The following HIVEP2 variants were observed in gnomAD, a reference collection of about 807,000 sequenced individuals.
HIVEP2 encodes transcription factor HIVEP2.
A neutral mutation model predicts 180.7 loss-of-function variants in HIVEP2; 14 were observed. The observed-to-expected ratio is 0.08, with a 90% CI of 0.05 to 0.12. The LOEUF (loss-of-function observed/expected upper bound fraction) is 0.12. Among genes scored for constraint, HIVEP2 ranks in the 10% least tolerant of loss-of-function variants. The pLI is 1.00. For synonymous variants in HIVEP2, 1,184 were observed against 1,136.4 expected, an observed-to-expected ratio of 1.04 and a Z score of -0.84; for missense variants, 2,579 against 3,008.5, an observed-to-expected ratio of 0.86 and a Z score of 3.34.
chr6:142,825,787 C>A (rs1774879213), intron 2 of HIVEP2, among the ~76,000 whole-genome samples: 1 of 152,038 alleles, frequency 6.6e-6, no homozygotes, highest in African/African-American at 2.4e-5. Context: ...CTAATTGCAT[C>A]TGTTCTAAAG....
At chr6:142,903,705 C>A (rs1232831412) in intron 1 of HIVEP2, among the ~76,000 whole-genome samples, 1 of 152,040 alleles carries the variant, frequency 6.6e-6, no homozygotes, top group East Asian at 1.9e-4. Context: ...CAAAACAAAA[C>A]AAAAAGGTGA....
At chr6:142,920,217 GA>G (rs1777651484) in intron 1 of HIVEP2, among the ~76,000 whole-genome samples, 1 of 152,212 alleles carries the variant, frequency 6.6e-6, no homozygotes, top group Non-Finnish European at 1.5e-5. Context: ...TAGCTAAAAA[GA>G]AAGTCACAAA....
intron 2 of HIVEP2, among the ~76,000 whole-genome samples, chr6:142,809,791 C>T (rs1192212441): frequency 2.0e-5 from 3 of 152,138 alleles, no homozygotes; most frequent in Non-Finnish European, 2.9e-5. Context: ...GACGGGGTTT[C>T]ACCATGTTGG....
intron 1 of HIVEP2, among the ~76,000 whole-genome samples, chr6:142,893,002 T>A (rs147464212): frequency 1.9e-3 from 293 of 152,338 alleles, no homozygotes; most frequent in African/African-American, 6.9e-3. Context: ...CTTCCAATAA[T>A]GTCTATGGGA....
intron 2 of HIVEP2, among the ~76,000 whole-genome samples, chr6:142,811,059 TG>T (rs1192050211): frequency 1.3e-5 from 2 of 152,218 alleles, no homozygotes; most frequent in Non-Finnish European, 2.9e-5. Flanking sequence ...CGATGTGTTT[TG>T]GACAGAGTCT....
chr6:142,853,281 G>C (rs1321910211), intron 1 of HIVEP2, among the ~76,000 whole-genome samples: 1 of 152,142 alleles, frequency 6.6e-6, no homozygotes, highest in African/African-American at 2.4e-5. Context: ...CTTAGTGTGA[G>C]AAGTTACACT....
chr6:142,869,325 A>C (rs1776229413), intron 1 of HIVEP2, among the ~76,000 whole-genome samples: 1 of 152,214 alleles, frequency 6.6e-6, no homozygotes, highest in African/African-American at 2.4e-5. Context: ...TAGCCAAAAA[A>C]AAGTATATTA....
chr6:142,920,558 T>C (rs1777660907), intron 1 of HIVEP2, among the ~76,000 whole-genome samples: 1 of 152,202 alleles, frequency 6.6e-6, no homozygotes, highest in Admixed American at 6.5e-5. Flanking sequence ...GCTTCAAGAA[T>C]TTAGAAACTG....
chr6:142,916,978 A>T (rs1216780661), intron 1 of HIVEP2, among the ~76,000 whole-genome samples: 1 of 152,250 alleles, frequency 6.6e-6, no homozygotes, highest in Non-Finnish European at 1.5e-5. Context: ...CTTCTACTGT[A>T]GCATAATGGA....
At chr6:142,940,151 T>C (rs1778142502) in intron 1 of HIVEP2, among the ~76,000 whole-genome samples, 1 of 152,244 alleles carries the variant, frequency 6.6e-6, no homozygotes. Context: ...CAAAGATTAA[T>C]TGGTTACTTC....
chr6:142,771,328 C>A lies in HIVEP2; in HGVS notation c.3411G>T (p.Lys1137Asn). 6.2e-7 allele frequency: 1 copy of A among 1,613,202 alleles called. No individual in the cohort carries two copies. Among genetic ancestry groups the A allele is most frequent in the Non-Finnish European group, 8.5e-7 (1 of 1,180,010 alleles). The change falls in exon 5 of 10, where the codon AAG becomes AAT. Residue 1137 changes from lysine to asparagine, a missense_variant. Physicochemically the swap from Lys to Asn is moderately conservative, Grantham distance 94. Coordinates refer to ENST00000367603, the MANE Select transcript of HIVEP2 (RefSeq NM_006734.4). The surrounding 1 kb of genome is among the most constrained non-coding windows in gnomAD (Gnocchi z 5.4). ...LPPLQQEDPGKQVAGPCPPLS... is the reference protein window; with the variant it reads ...LPPLQQEDPGNQVAGPCPPLS... ...GCGGGGGACAAGGACCCGCCACCTGCTTCCCTGGGTCCTCTTGCTGAAGAG... is the reference window on the plus strand; with the variant it reads ...GCGGGGGACAAGGACCCGCCACCTGATTCCCTGGGTCCTCTTGCTGAAGAG...
intron 1 of HIVEP2, among the ~76,000 whole-genome samples, chr6:142,874,686 G>A (rs943276036): frequency 8.5e-5 from 13 of 152,050 alleles, no homozygotes; most frequent in Non-Finnish European, 1.9e-4. Context: ...CAGCCAGCAA[G>A]GACCAAAAAG....
At chr6:142,899,969 AT>A (rs983968253) in intron 1 of HIVEP2, among the ~76,000 whole-genome samples, 1 of 152,218 alleles carries the variant, frequency 6.6e-6, no homozygotes, top group African/African-American at 2.4e-5. Context: ...AATAGAGATG[AT>A]TCTTAGTGGA....
At chr6:142,870,315 T>C (rs1461156826) in intron 1 of HIVEP2, among the ~76,000 whole-genome samples, 1 of 152,180 alleles carries the variant, frequency 6.6e-6, no homozygotes, top group African/African-American at 2.4e-5. Context: ...AGTCCTTGAG[T>C]GTCTCTGAGG....
chr6:142,765,043 C>G (rs1231222721), intron 6 of HIVEP2, 69 bp from the exon 7 acceptor site: 6 of 1,424,534 alleles, frequency 4.2e-6, no homozygotes, highest in African/African-American at 1.4e-5. Flanking sequence ...AAAGCAAAAG[C>G]TAATTATTTG....
At chr6:142,836,342 C>T (rs2114878384) in intron 2 of HIVEP2, among the ~76,000 whole-genome samples, 1 of 152,244 alleles carries the variant, frequency 6.6e-6, no homozygotes, top group East Asian at 1.9e-4. Context: ...TAAATTCTGT[C>T]TTGGCAGCAC....
At chr6:142,912,565 T>C (rs1359074047) in intron 1 of HIVEP2, among the ~76,000 whole-genome samples, 1 of 152,252 alleles carries the variant, frequency 6.6e-6, no homozygotes, top group Non-Finnish European at 1.5e-5. Flanking sequence ...CATGGCCTTT[T>C]AGGAACCGCG....
At chr6:142,942,661 C>T (rs1196679207) in intron 1 of HIVEP2, among the ~76,000 whole-genome samples, 1 of 152,042 alleles carries the variant, frequency 6.6e-6, no homozygotes, top group Non-Finnish European at 1.5e-5. Flanking sequence ...TGGTATTTTA[C>T]CAAACACCTC....
intron 2 of HIVEP2, among the ~76,000 whole-genome samples, chr6:142,800,955 A>G (rs1369704986): frequency 6.6e-6 from 1 of 152,088 alleles, no homozygotes; most frequent in Non-Finnish European, 1.5e-5. Flanking sequence ...GACTAGTTAC[A>G]TAGTGATAAC....
Sources: gnomAD v4.1 joint callset for allele counts (sites outside exome capture counted in the v4.1 genomes callset) on GRCh38, gnomAD v4.1.1 for gene constraint, Gnocchi (gnomAD v3.1) non-coding constraint, MANE v1.5 for transcripts, NCBI Gene and HGNC (gene_info 2026-07-23, HGNC 2026-07-21) for gene names.